CIMIP6: variants seen among roughly 807,000 people sequenced by gnomAD.
The protein encoded by CIMIP6 is uncharacterized protein C2orf73.
At chr2:54,342,218 G>C in the CIMIP6 span, among the ~76,000 whole-genome samples, 10 of 152,084 alleles carry the variant, frequency 6.6e-5, no homozygotes, top group South Asian at 2.1e-4. Flanking sequence ...TAGTTCTTTG[G>C]TATGTGTTCA....
chr2:54,347,595 G>A, the CIMIP6 span, among the ~76,000 whole-genome samples: 481 of 152,272 alleles, frequency 3.2e-3, 1 homozygote, highest in African/African-American at 0.011. Context: ...ACACTGGAGC[G>A]ATGGGCTTTT....
chr2:54,333,827 A>G, the CIMIP6 span, among the ~76,000 whole-genome samples: 4 of 152,170 alleles, frequency 2.6e-5, no homozygotes, highest in South Asian at 8.3e-4. Context: ...TGGGAGGCAG[A>G]GGTTGCAGTG....
the CIMIP6 span, among the ~76,000 whole-genome samples, chr2:54,368,141 G>C: frequency 6.6e-6 from 1 of 151,994 alleles, no homozygotes; most frequent in Non-Finnish European, 1.5e-5. Flanking sequence ...TTCCACATTT[G>C]GTTCTTCTGT....
the CIMIP6 span, among the ~76,000 whole-genome samples, chr2:54,343,141 G>T: frequency 6.6e-6 from 1 of 152,170 alleles, no homozygotes; most frequent in Non-Finnish European, 1.5e-5. Context: ...AACGTGAAAT[G>T]AAATAGGAAA....
At chr2:54,334,736 A>T in the CIMIP6 span, 5 of 987,316 alleles carry the variant, frequency 5.1e-6, no homozygotes, top group South Asian at 8.5e-5. Flanking sequence ...TTTGTAGTAT[A>T]TTTAAATCTT....
chr2:54,352,865 G>C, the CIMIP6 span, among the ~76,000 whole-genome samples: 1 of 152,134 alleles, frequency 6.6e-6, no homozygotes, highest in Non-Finnish European at 1.5e-5. Flanking sequence ...TTCCTGAAAA[G>C]TTTTAATCCA....
At chr2:54,376,294 A>G in the CIMIP6 span, among the ~76,000 whole-genome samples, 1 of 152,018 alleles carries the variant, frequency 6.6e-6, no homozygotes, top group Admixed American at 6.6e-5. Context: ...GATTACAGGC[A>G]TGAGCCACAG....
the CIMIP6 span, among the ~76,000 whole-genome samples, chr2:54,340,389 C>T: frequency 5.9e-5 from 9 of 152,162 alleles, no homozygotes; most frequent in African/African-American, 2.2e-4. Context: ...AAGGTAAAGA[C>T]GAGGCTCCAT....
the CIMIP6 span, among the ~76,000 whole-genome samples, chr2:54,346,190 A>G: frequency 6.6e-6 from 1 of 152,330 alleles, no homozygotes; most frequent in Admixed American, 6.5e-5. Flanking sequence ...TATAGACACG[A>G]GTTTAAATAT....
chr2:54,383,245 T>C, the CIMIP6 span: 1 of 152,274 alleles, frequency 6.6e-6, no homozygotes, highest in Non-Finnish European at 1.5e-5. Context: ...GACCATGGCA[T>C]GGGCAAACTT....
At chr2:54,337,330 A>G in the CIMIP6 span, among the ~76,000 whole-genome samples, 4 of 152,028 alleles carry the variant, frequency 2.6e-5, no homozygotes, top group Non-Finnish European at 5.9e-5. Context: ...CATGAGCTAA[A>G]CCCCTTTAAG....
At chr2:54,354,557 T>C in the CIMIP6 span, among the ~76,000 whole-genome samples, 1 of 152,156 alleles carries the variant, frequency 6.6e-6, no homozygotes, top group African/African-American at 2.4e-5. Flanking sequence ...TTTTAATTTC[T>C]AGAAACTTCA....
chr2:54,360,139 C>A, the CIMIP6 span: 1 of 1,463,040 alleles, frequency 6.8e-7, no homozygotes, highest in South Asian at 1.5e-5. Flanking sequence ...AAATTCAGTT[C>A]ACAGCTGCAT....
the CIMIP6 span, among the ~76,000 whole-genome samples, chr2:54,332,542 C>G: frequency 6.6e-6 from 1 of 152,220 alleles, no homozygotes; most frequent in African/African-American, 2.4e-5. Context: ...TATGGCAGAA[C>G]TGGGATTCCA....
At chr2:54,348,320 T>C in the CIMIP6 span, among the ~76,000 whole-genome samples, 49 of 152,342 alleles carry the variant, frequency 3.2e-4, no homozygotes, top group African/African-American at 1.1e-3. Flanking sequence ...TAACTGTTTC[T>C]ATTATCAGTT....
At chr2:54,373,478 G>A in the CIMIP6 span, among the ~76,000 whole-genome samples, 4 of 152,122 alleles carry the variant, frequency 2.6e-5, no homozygotes, top group South Asian at 2.1e-4. Context: ...TTTGTGTGTC[G>A]CTTTTGCAAC....
At chr2:54,369,047 T>C in the CIMIP6 span, among the ~76,000 whole-genome samples, 3 of 152,148 alleles carry the variant, frequency 2.0e-5, no homozygotes, top group South Asian at 6.2e-4. Flanking sequence ...CACGCTTGAA[T>C]TGGTACTGCA....
At chr2:54,373,351 C>A in the CIMIP6 span, among the ~76,000 whole-genome samples, 2 of 151,864 alleles carry the variant, frequency 1.3e-5, no homozygotes, top group African/African-American at 4.8e-5. Flanking sequence ...CCCCCCATGG[C>A]TGTAACTTCT....
the CIMIP6 span, among the ~76,000 whole-genome samples, chr2:54,335,494 A>T: frequency 6.6e-6 from 1 of 152,214 alleles, no homozygotes; most frequent in Admixed American, 6.5e-5. Flanking sequence ...CAAATAACAC[A>T]TATTCCTTTG....
Sources: gnomAD v4.1 joint callset for allele counts (sites outside exome capture counted in the v4.1 genomes callset) on GRCh38, gnomAD v4.1.1 for gene constraint, MANE v1.5 for transcripts, NCBI Gene and HGNC (gene_info 2026-07-23, HGNC 2026-07-21) for gene names.